CR1L: variants seen among roughly 807,000 people sequenced by gnomAD.
CR1L encodes complement component receptor 1-like protein.
Under a neutral mutation model 62.3 loss-of-function variants are expected in CR1L, and 59 were observed. The ratio of observed to expected loss-of-function variants is 0.95; its 90% CI spans 0.77 to 1.18. The LOEUF is 1.18. Ranked by LOEUF, CR1L falls within the 50% of genes most tolerant of loss-of-function variation. The probability of loss-of-function intolerance (pLI) is 0.00; values close to 1 mark genes in which losing one functional copy is unlikely to be tolerated. For synonymous variants in CR1L, 279 were observed against 248.7 expected (o/e 1.12, Z -1.15); for missense variants, 700 against 702.8 (o/e 1.00, Z 0.04).
chr1:207,710,876 T>A lies in CR1L; in HGVS notation c.1414+2613T>A, dbSNP rs1360651287. ...GTATTTGTTTAGGGGGAGGGATGTATGTTGAGGAGGGTGGGAAAGTAAGTT... is the reference window on the plus strand; with the variant it reads ...GTATTTGTTTAGGGGGAGGGATGTAAGTTGAGGAGGGTGGGAAAGTAAGTT... On this transcript the variant is annotated intron_variant, in intron 10 of 11. Coordinates refer to ENST00000508064, the MANE Select transcript of CR1L (RefSeq NM_175710.2). 7.9e-6 allele frequency: 10 copies of A among 1,263,722 alleles called. 1 individual carries two copies. The highest frequency in any genetic ancestry group is 5.7e-5 in the Admixed American group (3 of 52,570). The allele number at this position is 1,263,722 out of a possible 1,614,324, so 78.3% of individuals were successfully genotyped here. A position where few individuals can be genotyped will look rare whatever the true frequency, so the allele number is the denominator to read the frequency against.
chr1:207,708,065 C>A, intron 9 of CR1L, 113 bp from the exon 10 acceptor site: 3 of 1,269,508 alleles, frequency 2.4e-6, no homozygotes, highest in South Asian at 1.2e-5. Context: ...AAAGTTTAGG[C>A]TAGGCCTTAG....
chr1:207,687,648 A>C (rs143353767), intron 4 of CR1L, among the ~76,000 whole-genome samples: 74 of 152,274 alleles, frequency 4.9e-4, no homozygotes, highest in Non-Finnish European at 9.6e-4. Context: ...TTTGGAAGTC[A>C]CTTTTGTTGC....
chr1:207,694,824 G>A, intron 5 of CR1L, 73 bp downstream of exon 5: 2 of 1,606,802 alleles, frequency 1.2e-6, no homozygotes, highest in African/African-American at 1.3e-5. Flanking sequence ...ATTAGTATTT[G>A]TTCAGGGGGA....
intron 10 of CR1L, chr1:207,710,548 A>C: frequency 1.2e-6 from 2 of 1,609,580 alleles, no homozygotes; most frequent in African/African-American, 2.7e-5. Context: ...GCACCAGCAA[A>C]GATGATCAAG....
At chr1:207,685,706 C>G (rs1276004396) in intron 4 of CR1L, among the ~76,000 whole-genome samples, 1 of 152,158 alleles carries the variant, frequency 6.6e-6, no homozygotes, top group African/African-American at 2.4e-5. Context: ...AATGAGCCAT[C>G]GCAGAGGATG....
chr1:207,702,391 G>A (rs781770373), intron 9 of CR1L, among the ~76,000 whole-genome samples: 1 of 152,142 alleles, frequency 6.6e-6, no homozygotes, highest in Non-Finnish European at 1.5e-5. Context: ...ATACTAAAAT[G>A]AGGCCAATTA....
chr1:207,712,825 T>C (rs1423906704), intron 10 of CR1L, among the ~76,000 whole-genome samples: 2 of 152,212 alleles, frequency 1.3e-5, no homozygotes, highest in African/African-American at 4.8e-5. Context: ...TTCCACTTAA[T>C]CTCCAGCTTG....
intron 4 of CR1L, among the ~76,000 whole-genome samples, chr1:207,690,732 T>C (rs1663983182): frequency 6.6e-6 from 1 of 152,224 alleles, no homozygotes; most frequent in African/African-American, 2.4e-5. Context: ...ATTGGTTCCA[T>C]CTGCAAGCTG....
rs567469571 is a variant in CR1L at position 207,701,032 on chromosome 1, T to A, written c.1229-487T>A. ...TTCAGATAGGTGGATGTAAGAGTTT[T>A]TCTTGCAGGTCGTCTTTGATTATTG... On this transcript the variant is annotated intron_variant, in intron 8 of 11. Coordinates refer to ENST00000508064, the MANE Select transcript of CR1L (RefSeq NM_175710.2). Among the ~76,000 whole-genome samples the A allele has an allele frequency of 1.2e-4, 19 of 152,364 alleles. No individual in the cohort carries two copies. The South Asian group carries it at 3.7e-3, about 30-fold the overall frequency.
chr1:207,693,377 C>A (rs1664025181), intron 4 of CR1L, among the ~76,000 whole-genome samples: 1 of 152,204 alleles, frequency 6.6e-6, no homozygotes, highest in Non-Finnish European at 1.5e-5. Flanking sequence ...CTGGGCCACC[C>A]AAAGTGCTAA....
intron 8 of CR1L, among the ~76,000 whole-genome samples, chr1:207,699,915 G>C (rs1210862987): frequency 1.3e-5 from 2 of 152,176 alleles, no homozygotes; most frequent in Non-Finnish European, 2.9e-5. Context: ...AAGCAATGAA[G>C]AATGAGGGAA....
chr1:207,717,642 T>C lies in CR1L; in HGVS notation c.1593T>C (p.Asn531=). The C allele has an allele frequency of 6.2e-7, 1 of 1,613,990 alleles. No individual in the cohort carries two copies. Among genetic ancestry groups the C allele is most frequent in the Non-Finnish European group, 8.5e-7 (1 of 1,179,888 alleles). ...GCCGCACAAGTGAACCTCATGGGAATGGGGTTTGGAGCAGCCCTGCCCCTC... is the reference window on the plus strand; with the variant it reads ...GCCGCACAAGTGAACCTCATGGGAACGGGGTTTGGAGCAGCCCTGCCCCTC... ...TIRRTSEPHG[N]GVWSSPAPRC... is the part of the protein sequence containing the mutation. Residue 531 remains asparagine, a synonymous_variant, in exon 11 of 12, where the codon AAT becomes AAC. Transcript: ENST00000508064.
Position 207,699,190 on chromosome 1 carries a change from T to C in CR1L, c.1144T>C (p.Phe382Leu). ...ATTCACTCCTATTTTCTTCTTTAGA[T>C]TTCAATTAAAAGGCAGCTCTGCTAG... ...AKVDFVCDEG[F>L]QLKGSSASYC... Residue 382 changes from phenylalanine to leucine, a missense_variant and splice_region_variant, in exon 8 of 12, where the codon TTT becomes CTT. Transcript: ENST00000508064. 6.2e-7 allele frequency: 1 copy of C among 1,613,682 alleles called. No homozygotes were observed. The highest frequency in any genetic ancestry group is 8.5e-7 in the Non-Finnish European group (1 of 1,179,662).
intron 4 of CR1L, among the ~76,000 whole-genome samples, chr1:207,691,050 G>T (rs2102466442): frequency 6.6e-6 from 1 of 152,298 alleles, no homozygotes; most frequent in African/African-American, 2.4e-5. Flanking sequence ...GAGGACAGTG[G>T]TTATTCAACC....
intron 1 of CR1L, among the ~76,000 whole-genome samples, chr1:207,660,791 AATTTCCC>A: frequency 6.6e-6 from 1 of 152,276 alleles, no homozygotes; most frequent in South Asian, 2.1e-4. Flanking sequence ...TAGTGCTATA[AATTTCCC>A]TTTACACACT....
At chr1:207,658,157 C>A (rs76311968) in intron 1 of CR1L, among the ~76,000 whole-genome samples, 1 of 152,054 alleles carries the variant, frequency 6.6e-6, no homozygotes, top group Admixed American at 6.5e-5. Context: ...TATAGCATAA[C>A]ATACTTACGT....
rs1036125003 is a variant in CR1L, at chr1:207,710,578, A to G, written c.1414+2315A>G. ...ATCAAGTGGTCGTCTGGAGCGGCCC[A>G]GTCCCTCAGTGCATTATACCTAACA... On this transcript the variant is annotated intron_variant, in intron 10 of 11. Transcript: ENST00000508064. 1.1e-5 allele frequency: 18 copies of G among 1,610,020 alleles called. No individual in the cohort carries two copies. In the Admixed American group the frequency reaches 2.3e-4, roughly 21 times the overall value.
At chr1:207,649,346 A>C (rs1434608901) in intron 1 of CR1L, among the ~76,000 whole-genome samples, 1 of 152,184 alleles carries the variant, frequency 6.6e-6, no homozygotes, top group Non-Finnish European at 1.5e-5. Context: ...GAGAGGAATA[A>C]ATCACAGGGT....
rs146062155 is a variant in CR1L at position 207,645,971 on chromosome 1, CGGCTAG to C, written c.97+644_97+649del. 5.8e-3 allele frequency among the ~76,000 whole-genome samples: 880 copies of C among 152,226 alleles called. 10 individuals carry two copies. The highest frequency in any genetic ancestry group is 0.021 in the African/African-American group (853 of 41,532). The stretch of plus-strand genomic sequence containing the variant: ...TTGAGTGGAGCGAGCGCGGACTCTG[CGGCTAG>C]GGAGGGCATGTTGAGTGAGAGCAGG... On this transcript the variant is annotated intron_variant, in intron 1 of 11. Transcript: ENST00000508064.
Sources: gnomAD v4.1 joint callset for allele counts (sites outside exome capture counted in the v4.1 genomes callset) on GRCh38, gnomAD v4.1.1 for gene constraint, MANE v1.5 for transcripts, NCBI Gene and HGNC (gene_info 2026-07-23, HGNC 2026-07-21) for gene names.